Variants in KDM6A observed in about 807,000 individuals in gnomAD.
KDM6A encodes lysine demethylase 6A, also known as lysine-specific demethylase 6A.
A neutral mutation model predicts 117.6 loss-of-function variants in KDM6A; 11 were observed. The ratio of observed to expected loss-of-function variants is 0.09; its 90% CI spans 0.06 to 0.15. The LOEUF is 0.15. KDM6A is among the 10% of genes least tolerant of loss of function. The probability of loss-of-function intolerance (pLI) is 1.00; values close to 1 mark genes in which losing one functional copy is unlikely to be tolerated. For synonymous variants in KDM6A, 384 were observed against 396.1 expected (o/e 0.97, Z 0.36); for missense variants, 799 against 1,077.3 (o/e 0.74, Z 3.62).
chrX:45,068,817 TCTTTCTCTTTCCCTTTCC>T (rs772425192), intron 17 of KDM6A, among the ~76,000 whole-genome samples: 6 of 101,975 alleles, frequency 5.9e-5, no homozygotes, highest in African/African-American at 1.6e-4. Context: ...TTTCTCTTTC[TCTTTCTCTTTCCCTTTCC>T]CTTTCCCTTT....
At chrX:45,078,588 CTTTTTTTTCTTTTTTCT>C (rs2045244816) in intron 20 of KDM6A, 83 bp downstream of exon 20, 10 of 737,220 alleles carry the variant, frequency 1.4e-5, no homozygotes, top group Non-Finnish European at 1.9e-5. Flanking sequence ...AGATACTTTT[CTTTTTTTTCTTTTTTCT>C]TTTTTTTTCT....
At chrX:44,921,243 A>C (rs1325870926) in intron 2 of KDM6A, among the ~76,000 whole-genome samples, 1 of 112,014 alleles carries the variant, frequency 8.9e-6, no homozygotes, top group Non-Finnish European at 1.9e-5. Flanking sequence ...AGTTGTGAAG[A>C]AATGGACGGG....
At chrX:45,018,903 A>G (rs576270483) in intron 5 of KDM6A, among the ~76,000 whole-genome samples, 1 of 111,702 alleles carries the variant, frequency 9.0e-6, no homozygotes, top group Middle Eastern at 4.6e-3. Flanking sequence ...ACATACCTAC[A>G]GAAAAATGCA....
intron 3 of KDM6A, 70 bp from the exon 4 acceptor site, chrX:44,974,576 TGTGGTGGGAATCTTGTTACC>T: frequency 1.5e-5 from 9 of 612,569 alleles, no homozygotes; most frequent in Non-Finnish European, 2.5e-5. Context: ...GGGAGGTGGG[TGTGGTGGGAATCTTGTTACC>T]GTGTTTGTTA....
chrX:45,111,131 A>G (rs1302976353), intron 29 of KDM6A, among the ~76,000 whole-genome samples: 2 of 111,621 alleles, frequency 1.8e-5, no homozygotes, highest in Admixed American at 9.6e-5. Flanking sequence ...ATAACATTCC[A>G]AGAGTTTTTG....
At chrX:44,904,625 A>G (rs890618599) in intron 2 of KDM6A, among the ~76,000 whole-genome samples, 3 of 111,948 alleles carry the variant, frequency 2.7e-5, no homozygotes, top group Non-Finnish European at 5.6e-5. Context: ...TTTATGTGAA[A>G]TACCTAGCTT....
intron 2 of KDM6A, among the ~76,000 whole-genome samples, chrX:44,899,004 GGTGTGT>G (rs745714866): frequency 2.0e-4 from 16 of 79,651 alleles, no homozygotes; most frequent in African/African-American, 8.8e-4. Flanking sequence ...GGAGAGGGAG[GGTGTGT>G]GTGTGTGTGT....
intron 2 of KDM6A, among the ~76,000 whole-genome samples, chrX:44,923,205 T>C (rs1299428855): frequency 9.0e-6 from 1 of 111,493 alleles, no homozygotes; most frequent in Non-Finnish European, 1.9e-5. Context: ...CGTTATGTGT[T>C]ATGTGTTGTA....
intron 4 of KDM6A, among the ~76,000 whole-genome samples, chrX:44,977,237 A>G (rs763055745): frequency 9.0e-6 from 1 of 110,613 alleles, no homozygotes; most frequent in Non-Finnish European, 1.9e-5. Flanking sequence ...ATAGTCTAGT[A>G]AAAGTGTCTC....
intron 2 of KDM6A, among the ~76,000 whole-genome samples, chrX:44,913,682 A>G (rs1222980604): frequency 9.0e-6 from 1 of 110,499 alleles, no homozygotes; most frequent in East Asian, 2.8e-4. Flanking sequence ...AAAGTTCTTC[A>G]AAGACTATAA....
rs550932304 is a variant in KDM6A, at chrX:44,873,907, T to G, written c.162-17T>G. On this transcript the variant is annotated splice_polypyrimidine_tract_variant and intron_variant, in intron 1 of 29. Coordinates refer to ENST00000611820, the MANE Select transcript of KDM6A (RefSeq NM_001291415.2). ...GTTCCCTGAGCGTTAACGAGTAAACTGTGTCTGTCTCCACAGCCGCCTCTT... is the reference window on the plus strand; with the variant it reads ...GTTCCCTGAGCGTTAACGAGTAAACGGTGTCTGTCTCCACAGCCGCCTCTT... 2 of 1,207,939 alleles carry G rather than the reference T, an allele frequency of 1.7e-6. No individual in the cohort carries two copies. Among genetic ancestry groups the G allele is most frequent in the South Asian group, 3.5e-5 (2 of 56,805 alleles).
At chrX:44,970,961 CAGT>C (rs981225084) in intron 3 of KDM6A, among the ~76,000 whole-genome samples, 6 of 111,093 alleles carry the variant, frequency 5.4e-5, no homozygotes, top group African/African-American at 2.0e-4. Flanking sequence ...ATCTATAAAT[CAGT>C]GGTGATTGGG....
intron 6 of KDM6A, among the ~76,000 whole-genome samples, chrX:45,029,357 C>T (rs1421870681): frequency 1.8e-5 from 2 of 111,118 alleles, no homozygotes; most frequent in Non-Finnish European, 3.8e-5. Flanking sequence ...ATCGCTTGAC[C>T]TGGGAGGCGG....
chrX:45,047,683 T>C (rs868544980), intron 8 of KDM6A, among the ~76,000 whole-genome samples: 2,359 of 59,846 alleles, frequency 0.039, 128 homozygotes, highest in African/African-American at 0.19. Flanking sequence ...TCTTTTTTTT[T>C]TTTTTTTTTT....
At chrX:44,899,210 GGTGTGTGTGTATGCGTGTGTGT>G (rs1348598591) in intron 2 of KDM6A, among the ~76,000 whole-genome samples, 1 of 77,993 alleles carries the variant, frequency 1.3e-5, no homozygotes, top group East Asian at 4.1e-4. Flanking sequence ...AGGAAGGGAG[GGTGTGTGTGTATGCGTGTGTGT>G]GTGTGTGTGT....
At chrX:45,106,725 C>T (rs1439492941) in intron 27 of KDM6A, 1 of 309,298 alleles carries the variant, frequency 3.2e-6, no homozygotes, top group Non-Finnish European at 6.4e-6. Context: ...TGAGAATTTA[C>T]TATGTTGTTA....
At chrX:45,047,229 T>C (rs1438605104) in intron 8 of KDM6A, among the ~76,000 whole-genome samples, 1 of 80,659 alleles carries the variant, frequency 1.2e-5, no homozygotes, top group African/African-American at 8.5e-5. Context: ...TGGGGTTTGA[T>C]TTTTTTTTTA....
At chrX:44,903,370 T>G (rs1332137215) in intron 2 of KDM6A, among the ~76,000 whole-genome samples, 1 of 112,238 alleles carries the variant, frequency 8.9e-6, no homozygotes, top group Non-Finnish European at 1.9e-5. Flanking sequence ...CTTTCGTGTT[T>G]TCAAGATTCT....
At chrX:44,939,701 G>A (rs758465611) in intron 2 of KDM6A, among the ~76,000 whole-genome samples, 2 of 111,301 alleles carry the variant, frequency 1.8e-5, no homozygotes, top group Admixed American at 9.6e-5. Flanking sequence ...TTCATGAAAG[G>A]AAGAGTCAAT....
Sources: allele counts gnomAD v4.1 joint callset (sites outside exome capture counted in the v4.1 genomes callset), GRCh38; gene constraint gnomAD v4.1.1; transcripts MANE v1.5; gene names NCBI Gene and HGNC (gene_info 2026-07-23, HGNC 2026-07-21).